ERBB4: variants seen among roughly 807,000 people sequenced by gnomAD.
ERBB4 encodes receptor tyrosine-protein kinase erbB-4.
A neutral mutation model predicts 158.0 loss-of-function variants in ERBB4; 42 were observed. The observed-to-expected ratio is 0.27, with a 90% CI of 0.21 to 0.34. The LOEUF (loss-of-function observed/expected upper bound fraction) is 0.34, where lower values mean the gene tolerates loss of function less well. Among genes scored for constraint, ERBB4 ranks in the 10% least tolerant of loss-of-function variants. The probability of loss-of-function intolerance (pLI) is 1.00; values close to 1 mark genes in which losing one functional copy is unlikely to be tolerated. For missense variants in ERBB4, 1,333 were observed against 1,624.1 expected (o/e 0.82, Z 3.08); for synonymous variants, 583 against 558.7 (o/e 1.04, Z -0.61).
intron 3 of ERBB4, among the ~76,000 whole-genome samples, chr2:211,789,431 G>T (rs965352819): frequency 1.3e-5 from 2 of 152,136 alleles, no homozygotes; most frequent in East Asian, 1.9e-4. Context: ...AAACTAAACT[G>T]CAGTCCTTCT....
chr2:211,489,862 A>G (rs1220098561), intron 20 of ERBB4, among the ~76,000 whole-genome samples: 1 of 152,060 alleles, frequency 6.6e-6, no homozygotes, highest in Non-Finnish European at 1.5e-5. Context: ...TGATCAAGAT[A>G]TATAAAGTCT....
chr2:212,287,521 C>A (rs571219374), intron 1 of ERBB4, among the ~76,000 whole-genome samples: 1 of 151,970 alleles, frequency 6.6e-6, no homozygotes, highest in Non-Finnish European at 1.5e-5. Context: ...GTGAACTGAT[C>A]CCTCTGCCTA....
chr2:212,200,363 A>C (rs2082556514), intron 1 of ERBB4, among the ~76,000 whole-genome samples: 1 of 152,216 alleles, frequency 6.6e-6, no homozygotes, highest in African/African-American at 2.4e-5. Flanking sequence ...TTATAATTAC[A>C]TCTTTAGACA....
intron 3 of ERBB4, among the ~76,000 whole-genome samples, chr2:211,868,483 C>G (rs903817083): frequency 6.6e-6 from 1 of 152,030 alleles, no homozygotes; most frequent in Non-Finnish European, 1.5e-5. Flanking sequence ...TCTTATAAAC[C>G]TTTTAAACTA....
At chr2:212,533,904 G>A (rs1333900408) in intron 1 of ERBB4, among the ~76,000 whole-genome samples, 2 of 152,242 alleles carry the variant, frequency 1.3e-5, no homozygotes, top group African/African-American at 2.4e-5. Context: ...ACAGATGTAG[G>A]CTTGAACCTC....
intron 23 of ERBB4, among the ~76,000 whole-genome samples, chr2:211,422,326 T>TA (rs2063530217): frequency 6.6e-6 from 1 of 151,900 alleles, no homozygotes; most frequent in Non-Finnish European, 1.5e-5. Context: ...AAACAAAAGA[T>TA]AAATTTTTTC....
intron 20 of ERBB4, among the ~76,000 whole-genome samples, chr2:211,520,224 G>A (rs1363694172): frequency 4.6e-5 from 7 of 151,980 alleles, no homozygotes; most frequent in Non-Finnish European, 1.0e-4. Flanking sequence ...TTTCATACGG[G>A]GTGTTTGCAT....
intron 1 of ERBB4, among the ~76,000 whole-genome samples, chr2:212,500,556 C>A (rs543022380): frequency 9.1e-4 from 138 of 151,822 alleles, no homozygotes; most frequent in Non-Finnish European, 1.5e-3. Flanking sequence ...TTCTAGGGAA[C>A]AATAAGGAAC....
At chr2:211,626,845 A>T (rs1230712330) in intron 17 of ERBB4, among the ~76,000 whole-genome samples, 2 of 152,038 alleles carry the variant, frequency 1.3e-5, no homozygotes, top group Non-Finnish European at 2.9e-5. Flanking sequence ...GAACGGCGTG[A>T]ACCCAGGAGG....
intron 12 of ERBB4, among the ~76,000 whole-genome samples, chr2:211,698,866 C>A (rs977276432): frequency 6.6e-6 from 1 of 152,162 alleles, no homozygotes; most frequent in African/African-American, 2.4e-5. Flanking sequence ...TGGTTACTAT[C>A]ATAACCACGT....
At chr2:212,096,952 CCTT>C (rs1445206867) in intron 2 of ERBB4, among the ~76,000 whole-genome samples, 1 of 152,088 alleles carries the variant, frequency 6.6e-6, no homozygotes, top group Non-Finnish European at 1.5e-5. Context: ...ATTTGTTCCT[CCTT>C]CTATTAAGTT....
At chr2:212,006,115 C>A (rs1471388605) in intron 2 of ERBB4, among the ~76,000 whole-genome samples, 1 of 152,194 alleles carries the variant, frequency 6.6e-6, no homozygotes, top group Non-Finnish European at 1.5e-5. Context: ...TTCACCTAAC[C>A]AATGCATCAA....
chr2:212,225,231 A>C (rs1533769), intron 1 of ERBB4, among the ~76,000 whole-genome samples: 73,303 of 151,854 alleles, frequency 0.48, 18,097 homozygotes, highest in East Asian at 0.76. Context: ...ATCCAACTAA[A>C]ATTAGAAAGT....
intron 3 of ERBB4, among the ~76,000 whole-genome samples, chr2:211,848,769 C>G (rs2106025122): frequency 6.6e-6 from 1 of 152,076 alleles, no homozygotes. Context: ...GGACCTCTTT[C>G]TAGAGATTTC....
At chr2:211,716,650 T>C (rs565801129) in intron 7 of ERBB4, among the ~76,000 whole-genome samples, 27 of 151,512 alleles carry the variant, frequency 1.8e-4, no homozygotes, top group African/African-American at 6.3e-4. Flanking sequence ...CATTCCGGCC[T>C]GGGCGACAGA....
chr2:212,447,565 A>C (rs1258304723), intron 1 of ERBB4, among the ~76,000 whole-genome samples: 3 of 152,156 alleles, frequency 2.0e-5, no homozygotes, highest in African/African-American at 7.2e-5. Context: ...GTCCATCCTG[A>C]ACATTTTACC....
chr2:212,154,857 T>C (rs1338277165), intron 1 of ERBB4, among the ~76,000 whole-genome samples: 1 of 152,170 alleles, frequency 6.6e-6, no homozygotes, highest in Non-Finnish European at 1.5e-5. Flanking sequence ...ACCTGTTCAA[T>C]ATGCATTAAA....
At chr2:212,404,497 A>T (rs1188549245) in intron 1 of ERBB4, among the ~76,000 whole-genome samples, 2 of 152,062 alleles carry the variant, frequency 1.3e-5, no homozygotes, top group African/African-American at 4.8e-5. Flanking sequence ...CTCTGTCCTT[A>T]TGACACTGGT....
At chr2:212,430,297 T>A (rs1251711091) in intron 1 of ERBB4, among the ~76,000 whole-genome samples, 1 of 152,194 alleles carries the variant, frequency 6.6e-6, no homozygotes, top group Non-Finnish European at 1.5e-5. Context: ...CATGTCTATA[T>A]CAAACATCTT....
Sources: gnomAD v4.1 joint callset for allele counts (sites outside exome capture counted in the v4.1 genomes callset) on GRCh38, gnomAD v4.1.1 for gene constraint, MANE v1.5 for transcripts, NCBI Gene and HGNC (gene_info 2026-07-23, HGNC 2026-07-21) for gene names.